CNOT6L: variants seen among roughly 807,000 people sequenced by gnomAD.
CNOT6L encodes the protein CCR4-NOT transcription complex subunit 6 like, also known as CCR4-NOT transcription complex subunit 6-like.
In CNOT6L, 7 loss-of-function variants were observed where a neutral mutation model predicts 64.0. The observed-to-expected ratio is 0.11, with a 90% CI of 0.06 to 0.21. The LOEUF is 0.21. CNOT6L is among the 10% of genes least tolerant of loss of function. CNOT6L has a pLI of 1.00. For synonymous variants in CNOT6L, 193 were observed against 243.4 expected (o/e 0.79, Z 1.93); for missense variants, 245 against 669.0 (o/e 0.37, Z 6.99).
rs529299995 is a variant in CNOT6L, at chr4:77,764,745, G to A, written c.401-7794C>T. On this transcript the variant is annotated intron_variant, in intron 4 of 11. Coordinates refer to ENST00000504123, the MANE Select transcript of CNOT6L (RefSeq NM_144571.3). ...TATGAATGGCTCTCAACATACTGAC[G>A]CTTTCTGACTGAGCTCCTCTCTACC... is the stretch of plus-strand genomic sequence containing the variant. 1.6e-4 allele frequency among the ~76,000 whole-genome samples: 24 copies of A among 152,244 alleles called. 1 individual carries two copies. Among genetic ancestry groups the A allele is most frequent in the South Asian group, 8.3e-4 (4 of 4,828 alleles).
chr4:77,742,955 CA>C, intron 7 of CNOT6L, among the ~76,000 whole-genome samples: 1 of 152,094 alleles, frequency 6.6e-6, no homozygotes, highest in South Asian at 2.1e-4. Context: ...AGCAAAAACC[CA>C]TAAACAACTA....
At chr4:77,818,447 T>TA (rs879666876) in intron 1 of CNOT6L, among the ~76,000 whole-genome samples, 290 of 143,760 alleles carry the variant, frequency 2.0e-3, no homozygotes, top group African/African-American at 4.6e-3. Flanking sequence ...TTTGTCTAAT[T>TA]AAAAAAAAAA....
chr4:77,795,360 A>G (rs1299586608), intron 1 of CNOT6L, among the ~76,000 whole-genome samples: 3 of 152,152 alleles, frequency 2.0e-5, no homozygotes, highest in Admixed American at 6.6e-5. Flanking sequence ...ACATAAAAAA[A>G]TAGAGATTAA....
At chr4:77,745,045 T>A (rs1004169597) in intron 6 of CNOT6L, among the ~76,000 whole-genome samples, 170 bp from the exon 7 acceptor site, 14 of 152,168 alleles carry the variant, frequency 9.2e-5, no homozygotes, top group Admixed American at 2.0e-4. Context: ...ATCATTGGAG[T>A]CTATCATACA....
At chr4:77,748,460 ACTTC>A in intron 5 of CNOT6L, 76 bp from the exon 6 acceptor site, 1 of 954,158 alleles carries the variant, frequency 1.0e-6, no homozygotes, top group African/African-American at 1.6e-5. Flanking sequence ...TGTCAAAAAC[ACTTC>A]TGTTTTCTAT....
In CNOT6L at chr4:77,731,673, C is replaced by T. The variant is rs563602315; in HGVS notation, c.873-135G>A. 8.4e-6 allele frequency: 5 copies of T among 597,976 alleles called. No homozygotes were observed. The African/African-American group carries it at 9.7e-5, about 12-fold the overall frequency. 37.0% of individuals were successfully genotyped at this position (597,976 alleles called of 1,614,324 possible). On this transcript the variant is annotated intron_variant, in intron 8 of 11. Transcript: ENST00000504123. ...TGACCATGTGATACAGTTCTGGCCA[C>T]TAAGACACAAGAAGTCTGATTATTG...
At chr4:77,761,120 G>T (rs1267783207) in intron 4 of CNOT6L, among the ~76,000 whole-genome samples, 1 of 151,866 alleles carries the variant, frequency 6.6e-6, no homozygotes, top group African/African-American at 2.4e-5. Context: ...CACTCAAAAT[G>T]AAATGGATAG....
At chr4:77,767,051 A>T (rs1726915925) in intron 4 of CNOT6L, among the ~76,000 whole-genome samples, 1 of 145,198 alleles carries the variant, frequency 6.9e-6, no homozygotes, top group African/African-American at 2.6e-5. Flanking sequence ...CAACAGAGCG[A>T]AACTCCGTCT....
In CNOT6L at chr4:77,806,181, T is replaced by C. The variant is rs1732198661; in HGVS notation, c.5+13123A>G. On this transcript the variant is annotated intron_variant, in intron 1 of 11. Transcript: ENST00000504123. Reference sequence around the variant, plus strand: ...TGACTCACGCCTATAATCCCAGCACTTTGGGAGGCTGAGGCCGGCGGATCA... The same window carrying C: ...TGACTCACGCCTATAATCCCAGCACCTTGGGAGGCTGAGGCCGGCGGATCA... Among the ~76,000 whole-genome samples, 4 of 152,208 alleles carry C rather than the reference T, an allele frequency of 2.6e-5. 1 individual carries two copies. In the South Asian group the frequency reaches 8.3e-4, roughly 32 times the overall value.
intron 1 of CNOT6L, among the ~76,000 whole-genome samples, chr4:77,779,687 G>A (rs1311283946): frequency 1.2e-4 from 18 of 152,178 alleles, no homozygotes; most frequent in Non-Finnish European, 4.4e-5. Context: ...AAGGCTGGGC[G>A]CAGTGGCTCA....
At chr4:77,744,535 A>G (rs1473935899) in intron 7 of CNOT6L, among the ~76,000 whole-genome samples, 183 bp downstream of exon 7, 1 of 152,222 alleles carries the variant, frequency 6.6e-6, no homozygotes, top group Non-Finnish European at 1.5e-5. Context: ...TCAGTCAGCA[A>G]AATAGTTTCA....
chr4:77,738,276 A>G (rs1488570174), intron 8 of CNOT6L, among the ~76,000 whole-genome samples: 2 of 152,154 alleles, frequency 1.3e-5, no homozygotes, highest in African/African-American at 4.8e-5. Flanking sequence ...CTTGAAATAA[A>G]GCATGATAAG....
chr4:77,808,061 A>T (rs1732457461), intron 1 of CNOT6L, among the ~76,000 whole-genome samples: 1 of 152,196 alleles, frequency 6.6e-6, no homozygotes, highest in African/African-American at 2.4e-5. Context: ...TACAACAAAA[A>T]TTAAAGGATT....
chr4:77,721,587 A>G (rs1560569714), intron 11 of CNOT6L, among the ~76,000 whole-genome samples: 2 of 152,202 alleles, frequency 1.3e-5, no homozygotes, highest in African/African-American at 2.4e-5. Flanking sequence ...TAATGAAAAC[A>G]AATTTTTTTA....
At chr4:77,749,124 T>C (rs921078976) in intron 5 of CNOT6L, among the ~76,000 whole-genome samples, 1 of 152,222 alleles carries the variant, frequency 6.6e-6, no homozygotes, top group African/African-American at 2.4e-5. Flanking sequence ...ACACTCCATC[T>C]TTATCTAGCC....
At chr4:77,724,759 T>A (rs1307240052) in intron 11 of CNOT6L, among the ~76,000 whole-genome samples, 1 of 152,194 alleles carries the variant, frequency 6.6e-6, no homozygotes, top group Non-Finnish European at 1.5e-5. Context: ...TCGGGAACTT[T>A]ATCACAGGTT....
At chr4:77,786,533 G>T (rs1267843847) in intron 1 of CNOT6L, among the ~76,000 whole-genome samples, 2 of 152,064 alleles carry the variant, frequency 1.3e-5, no homozygotes, top group Non-Finnish European at 1.5e-5. Flanking sequence ...GAGTACAGTG[G>T]GATTGTCATG....
chr4:77,722,121 T>A (rs960643045), intron 11 of CNOT6L, among the ~76,000 whole-genome samples: 2 of 152,188 alleles, frequency 1.3e-5, no homozygotes, highest in African/African-American at 4.8e-5. Context: ...ATTTTGGTTA[T>A]AATGCCTAGT....
At chr4:77,720,750 G>GT in intron 11 of CNOT6L, 107 bp from the exon 12 acceptor site, 1 of 1,094,680 alleles carries the variant, frequency 9.1e-7, no homozygotes, top group Non-Finnish European at 1.3e-6. Context: ...TCTGGTACCT[G>GT]TTGTCTTGAT....
Sources: allele counts gnomAD v4.1 joint callset (sites outside exome capture counted in the v4.1 genomes callset), GRCh38; gene constraint gnomAD v4.1.1; transcripts MANE v1.5; gene names NCBI Gene and HGNC (gene_info 2026-07-23, HGNC 2026-07-21).